The following SLC24A2 variants were observed in gnomAD, a reference collection of about 807,000 sequenced individuals.
The protein encoded by SLC24A2 is sodium/potassium/calcium exchanger 2.
SLC24A2 carries 36 observed loss-of-function variants against 62.0 expected under a neutral mutation model. That is an observed-to-expected ratio of 0.58 (90% CI 0.44 to 0.77). The LOEUF is 0.77. Ranked by LOEUF, SLC24A2 falls within the 30% of genes least tolerant of loss-of-function variation. The pLI, the probability that SLC24A2 is intolerant of heterozygous loss-of-function variation, is 0.00. For synonymous variants in SLC24A2, 358 were observed against 294.0 expected (o/e 1.22, Z -2.23); for missense variants, 846 against 817.9 (o/e 1.03, Z -0.42).
Position 19,632,454 on chromosome 9 carries a change from G to T in SLC24A2, c.931-10155C>A, listed in dbSNP as rs1188885039. On this transcript the variant is annotated intron_variant, in intron 2 of 10. Coordinates refer to ENST00000341998, the MANE Select transcript of SLC24A2 (RefSeq NM_020344.4). This position sits in a 1 kb window ranked among gnomAD's most constrained non-coding sequence, Gnocchi z 4.5. ...TAGCCCAAATCCTTGCTTTCACGGA[G>T]TGTATATTCTAGCCTAGATCTCACT... is the stretch of plus-strand genomic sequence containing the variant. 1.3e-5 allele frequency among the ~76,000 whole-genome samples: 2 copies of T among 152,136 alleles called. No homozygotes were observed. The highest frequency in any genetic ancestry group is 4.8e-5 in the African/African-American group (2 of 41,426).
chr9:20,278,638 C>G, the SLC24A2 span, among the ~76,000 whole-genome samples: 1 of 152,210 alleles, frequency 6.6e-6, no homozygotes, highest in Admixed American at 6.5e-5. Flanking sequence ...TGGTCAAAGC[C>G]ACTCAACAAG....
the SLC24A2 span, among the ~76,000 whole-genome samples, chr9:19,804,905 T>A: frequency 6.6e-6 from 1 of 152,168 alleles, no homozygotes; most frequent in Non-Finnish European, 1.5e-5. Flanking sequence ...CATTTCTCCT[T>A]TATTCTACTA....
At chr9:19,532,273 T>C (rs951782548) in intron 8 of SLC24A2, among the ~76,000 whole-genome samples, 2 of 152,070 alleles carry the variant, frequency 1.3e-5, no homozygotes, top group Non-Finnish European at 2.9e-5. Context: ...TTTTTGTATT[T>C]TTAGTAGAGA....
the SLC24A2 span, among the ~76,000 whole-genome samples, chr9:20,001,827 G>C: frequency 7.2e-5 from 11 of 152,102 alleles, no homozygotes; most frequent in Non-Finnish European, 1.3e-4. Context: ...CTTTGATCCA[G>C]CACTAAAATA....
At chr9:20,152,679 A>G in the SLC24A2 span, among the ~76,000 whole-genome samples, 1 of 151,856 alleles carries the variant, frequency 6.6e-6, no homozygotes, top group Admixed American at 6.6e-5. Context: ...TCCAGTTTTG[A>G]CTAGGATGCA....
chr9:19,859,604 T>G, the SLC24A2 span, among the ~76,000 whole-genome samples: 5 of 152,316 alleles, frequency 3.3e-5, no homozygotes, highest in East Asian at 9.6e-4. Context: ...ACTATCTACA[T>G]GCACAATAAA....
chr9:20,295,158 CAAAATCCCTAAAGTCT>C, the SLC24A2 span, among the ~76,000 whole-genome samples: 2 of 151,816 alleles, frequency 1.3e-5, no homozygotes, highest in African/African-American at 4.8e-5. Context: ...CCCTAAAGAT[CAAAATCCCTAAAGTCT>C]AAAATTCCTA....
the SLC24A2 span, among the ~76,000 whole-genome samples, chr9:19,979,778 T>C: frequency 1.3e-5 from 2 of 152,168 alleles, no homozygotes; most frequent in Non-Finnish European, 2.9e-5. Context: ...GACATAGAGA[T>C]GAAAACATGG....
chr9:20,122,589 G>C, the SLC24A2 span, among the ~76,000 whole-genome samples: 4 of 152,206 alleles, frequency 2.6e-5, no homozygotes, highest in African/African-American at 7.2e-5. Flanking sequence ...TTGAAGCTGA[G>C]GCAGGAGAAT....
At chr9:19,801,250 C>T in the SLC24A2 span, among the ~76,000 whole-genome samples, 21 of 152,182 alleles carry the variant, frequency 1.4e-4, no homozygotes, top group Non-Finnish European at 2.5e-4. Flanking sequence ...CTGTGGAACC[C>T]AGTGACTAGT....
At chr9:20,108,398 C>T in the SLC24A2 span, among the ~76,000 whole-genome samples, 9 of 152,160 alleles carry the variant, frequency 5.9e-5, no homozygotes, top group East Asian at 3.9e-4. Flanking sequence ...CACATGCACA[C>T]GTATGTTTAT....
At chr9:19,797,451 GA>G in the SLC24A2 span, among the ~76,000 whole-genome samples, 1 of 152,084 alleles carries the variant, frequency 6.6e-6, no homozygotes, top group South Asian at 2.1e-4. Flanking sequence ...TAATAATTAC[GA>G]ATCAGGCATT....
chr9:19,958,740 G>C, the SLC24A2 span, among the ~76,000 whole-genome samples: 4 of 152,090 alleles, frequency 2.6e-5, no homozygotes, highest in African/African-American at 9.7e-5. Context: ...GAATCATGGA[G>C]GCATAATATA....
chr9:19,850,984 T>TAC, the SLC24A2 span, among the ~76,000 whole-genome samples: 4 of 30,538 alleles, frequency 1.3e-4, no homozygotes, highest in East Asian at 4.6e-4. Context: ...TATATATATA[T>TAC]GTATATATAT....
intron 1 of SLC24A2, 51 bp downstream of exon 1, chr9:19,788,834 G>T (rs1823257946): frequency 1.0e-6 from 1 of 985,300 alleles, no homozygotes; most frequent in Admixed American, 6.1e-5. Flanking sequence ...ATGCGGGGAC[G>T]ACCGCCACAG....
the SLC24A2 span, among the ~76,000 whole-genome samples, chr9:20,009,736 G>A: frequency 6.6e-6 from 1 of 152,152 alleles, no homozygotes; most frequent in African/African-American, 2.4e-5. Context: ...CCCAAGTCAG[G>A]AGGCAACCGG....
At chr9:19,768,923 C>G (rs770191979) in intron 2 of SLC24A2, among the ~76,000 whole-genome samples, 11 of 152,190 alleles carry the variant, frequency 7.2e-5, no homozygotes, top group Non-Finnish European at 1.5e-4. Context: ...AGGACTTAGG[C>G]CTTTGAGTTC....
At chr9:20,098,122 G>A in the SLC24A2 span, among the ~76,000 whole-genome samples, 4 of 152,218 alleles carry the variant, frequency 2.6e-5, no homozygotes, top group East Asian at 7.7e-4. Context: ...AGACTCAAGG[G>A]TCAAAGTAGA....
the SLC24A2 span, among the ~76,000 whole-genome samples, chr9:19,838,623 A>G: frequency 2.6e-5 from 4 of 151,416 alleles, no homozygotes; most frequent in African/African-American, 9.7e-5. Context: ...TAGGCAATAG[A>G]GGGAGACTCT....
Sources: gnomAD v4.1 joint callset for allele counts (sites outside exome capture counted in the v4.1 genomes callset) on GRCh38, gnomAD v4.1.1 for gene constraint, Gnocchi (gnomAD v3.1) non-coding constraint, MANE v1.5 for transcripts, NCBI Gene and HGNC (gene_info 2026-07-23, HGNC 2026-07-21) for gene names.